The following YTHDC2 variants were observed in gnomAD, a reference collection of about 807,000 sequenced individuals.
The protein encoded by YTHDC2 is YTH N6-methyladenosine RNA binding protein C2, also known as 3'-5' RNA helicase YTHDC2.
YTHDC2 carries 45 observed loss-of-function variants against 174.9 expected under a neutral mutation model. That is an observed-to-expected ratio of 0.26 (90% CI 0.20 to 0.33). The LOEUF (loss-of-function observed/expected upper bound fraction) is 0.33, where lower values mean the gene tolerates loss of function less well. Ranked by LOEUF, YTHDC2 falls within the 10% of genes least tolerant of loss-of-function variation. The probability of loss-of-function intolerance (pLI) is 1.00; values close to 1 mark genes in which losing one functional copy is unlikely to be tolerated. For synonymous variants in YTHDC2, 657 were observed against 574.5 expected, an observed-to-expected ratio of 1.14 and a Z score of -2.05; for missense variants, 1,650 against 1,723.7, an observed-to-expected ratio of 0.96 and a Z score of 0.76.
intron 17 of YTHDC2, among the ~76,000 whole-genome samples, chr5:113,559,631 T>TAAC (rs1776829894): frequency 1.3e-5 from 2 of 152,216 alleles, no homozygotes; most frequent in Non-Finnish European, 2.9e-5. Flanking sequence ...CACAGTTGGT[T>TAAC]CAGGTTACCC....
At chr5:113,528,219 G>A (rs191634012) in intron 4 of YTHDC2, among the ~76,000 whole-genome samples, 10 of 152,142 alleles carry the variant, frequency 6.6e-5, no homozygotes, top group African/African-American at 2.2e-4. Context: ...ACAGTTATGT[G>A]TATCATTTTA....
chr5:113,535,279 T>G (rs995596716), intron 6 of YTHDC2, among the ~76,000 whole-genome samples: 5 of 152,088 alleles, frequency 3.3e-5, no homozygotes, highest in Non-Finnish European at 5.9e-5. Context: ...CTGTACTAGG[T>G]AATATAGGTA....
At chr5:113,519,055 T>C (rs993732929) in intron 2 of YTHDC2, among the ~76,000 whole-genome samples, 7 of 147,282 alleles carry the variant, frequency 4.8e-5, no homozygotes, top group Admixed American at 2.1e-4. Context: ...TTTTTTTTTT[T>C]AGAGATGGGG....
chr5:113,524,809 A>T (rs960685201), intron 2 of YTHDC2, among the ~76,000 whole-genome samples, 172 bp from the exon 3 acceptor site: 13 of 152,182 alleles, frequency 8.5e-5, no homozygotes, highest in African/African-American at 2.9e-4. Flanking sequence ...TTTTATGGCC[A>T]CTTTAGCCCA....
At chr5:113,543,708 T>G (rs10080096) in intron 10 of YTHDC2, among the ~76,000 whole-genome samples, 45,464 of 152,102 alleles carry the variant, frequency 0.3, 8,482 homozygotes, top group African/African-American at 0.51. Flanking sequence ...GCCTCTGGCT[T>G]CCTCCTTGAT....
chr5:113,534,061 G>T (rs1283632429), intron 5 of YTHDC2, among the ~76,000 whole-genome samples: 1 of 151,996 alleles, frequency 6.6e-6, no homozygotes, highest in African/African-American at 2.4e-5. Flanking sequence ...AGTATTTAAG[G>T]TTTTGTTTTG....
intron 18 of YTHDC2, among the ~76,000 whole-genome samples, chr5:113,562,621 T>C (rs1777069711): frequency 6.6e-6 from 1 of 152,158 alleles, no homozygotes; most frequent in Non-Finnish European, 1.5e-5. Context: ...TGGTTTTAGT[T>C]TCTCAAGCAC....
At chr5:113,535,934 G>A in intron 7 of YTHDC2, 136 bp downstream of exon 7, 1 of 661,432 alleles carries the variant, frequency 1.5e-6, no homozygotes. Flanking sequence ...AGGCTTAATT[G>A]TCACTTCTTT....
At chr5:113,547,831 T>C (rs759833313) in intron 10 of YTHDC2, among the ~76,000 whole-genome samples, 1 of 152,202 alleles carries the variant, frequency 6.6e-6, no homozygotes, top group Non-Finnish European at 1.5e-5. Context: ...TTTGTAGTTA[T>C]CTTAAATTTT....
intron 3 of YTHDC2, among the ~76,000 whole-genome samples, 165 bp from the exon 4 acceptor site, chr5:113,526,421 A>G (rs746970007): frequency 8.5e-5 from 13 of 152,178 alleles, no homozygotes; most frequent in Non-Finnish European, 1.9e-4. Flanking sequence ...ATTGCTTGAC[A>G]ACTTTATGTA....
At chr5:113,581,876 A>T in intron 25 of YTHDC2, 167 bp downstream of exon 25, 1 of 529,410 alleles carries the variant, frequency 1.9e-6, no homozygotes, top group Non-Finnish European at 3.0e-6. Context: ...TGTTCAACTT[A>T]ATTCTTCTAA....
chr5:113,533,278 C>T (rs1173858328), intron 5 of YTHDC2, among the ~76,000 whole-genome samples: 4 of 152,202 alleles, frequency 2.6e-5, no homozygotes, highest in Middle Eastern at 3.4e-3. Flanking sequence ...CGCGGTGGCT[C>T]ATGCCTGTAG....
rs1051049458 is a variant in YTHDC2, at chr5:113,581,363, A to C, written c.3355-54A>C. ...AACTAATGGAAACTAATCAACACATAGGTGTTTTGCATATGTGATATTCAT... is the reference window on the plus strand; with the variant it reads ...AACTAATGGAAACTAATCAACACATCGGTGTTTTGCATATGTGATATTCAT... On this transcript the variant is annotated intron_variant, in intron 24 of 29. Coordinates refer to ENST00000161863, the MANE Select transcript of YTHDC2 (RefSeq NM_022828.5). 21 of 1,470,202 alleles carry C rather than the reference A, an allele frequency of 1.4e-5. No homozygotes were observed. The African/African-American group carries it at 2.8e-4, about 20-fold the overall frequency. The allele number at this position is 1,470,202 out of a possible 1,614,324, so 91.1% of individuals were successfully genotyped here.
intron 5 of YTHDC2, among the ~76,000 whole-genome samples, chr5:113,533,306 G>C (rs1774815902): frequency 6.6e-6 from 1 of 152,034 alleles, no homozygotes; most frequent in South Asian, 2.1e-4. Context: ...ACTTTGGGAG[G>C]CCGAGGCGGG....
chr5:113,563,596 GTCC>G (rs1422853877), intron 19 of YTHDC2, 104 bp downstream of exon 19: 1 of 1,288,048 alleles, frequency 7.8e-7, no homozygotes, highest in South Asian at 1.7e-5. Context: ...TTTTATTTTT[GTCC>G]TCCTGCATGT....
In YTHDC2 at chr5:113,542,358, T is replaced by G. The variant is rs779880769; in HGVS notation, c.1360-10T>G. 1.4e-5 allele frequency: 22 copies of G among 1,603,436 alleles called. 1 individual carries two copies. Among genetic ancestry groups the G allele is most frequent in the Non-Finnish European group, 1.8e-5 (21 of 1,177,356 alleles). On this transcript the variant is annotated splice_polypyrimidine_tract_variant and intron_variant, in intron 9 of 29. Coordinates refer to ENST00000161863, the MANE Select transcript of YTHDC2 (RefSeq NM_022828.5). ...TTATGATAATTTATGATTTTTACTG[T>G]TTTTTGTAGACTGAAAAAGATGTGA...
intron 17 of YTHDC2, among the ~76,000 whole-genome samples, chr5:113,558,568 G>T (rs755312775): frequency 6.6e-6 from 1 of 152,070 alleles, no homozygotes. Context: ...TTAAAAAATC[G>T]GACAGTAGTG....
Position 113,514,017 on chromosome 5 carries a change from T to C in YTHDC2, c.122T>C (p.Ile41Thr). The stretch of plus-strand genomic sequence containing the variant: ...GCCAAGGGGCTGAAGGACATTCGCA[T>C]TGATGAGGAGGTGAAGATCGCAGTC... The part of the protein sequence containing the change: ...GRAKGLKDIR[I>T]DEEVKIAVNI... Residue 41 changes from isoleucine to threonine, a missense_variant, in exon 1 of 30, where the codon ATT (isoleucine) becomes ACT (threonine). This residue lies in a region of YTHDC2 where 304 missense variants were observed against 341.4 expected (regional missense o/e 0.89). Transcript: ENST00000161863. 21 of 1,610,560 alleles carry C rather than the reference T, an allele frequency of 1.3e-5. No homozygotes were observed. Among genetic ancestry groups the C allele is most frequent in the Non-Finnish European group, 1.8e-5 (21 of 1,178,734 alleles).
intron 18 of YTHDC2, 101 bp from the exon 19 acceptor site, chr5:113,563,272 A>G (rs35926701): frequency 0.16 from 153,082 of 961,062 alleles, 13,510 homozygotes; most frequent in Non-Finnish European, 0.18. Flanking sequence ...CAGAGACTCT[A>G]CTAGTCTGTG....
Sources: gnomAD v4.1 joint callset for allele counts (sites outside exome capture counted in the v4.1 genomes callset) on GRCh38, gnomAD v4.1.1 for gene constraint, gnomAD v4.1.1 regional missense constraint, MANE v1.5 for transcripts, NCBI Gene and HGNC (gene_info 2026-07-23, HGNC 2026-07-21) for gene names.